CCDC3: variants seen among roughly 807,000 people sequenced by gnomAD.
The protein encoded by CCDC3 is coiled-coil domain containing 3.
Under a neutral mutation model 21.4 loss-of-function variants are expected in CCDC3, and 24 were observed. The observed-to-expected ratio is 1.12, with a 90% CI of 0.81 to 1.58. The LOEUF (loss-of-function observed/expected upper bound fraction) is 1.58, where lower values mean the gene tolerates loss of function less well. Among genes scored for constraint, CCDC3 ranks in the 40% most tolerant of loss-of-function variants. The pLI is 0.00. For missense variants in CCDC3, 425 were observed against 360.9 expected, an observed-to-expected ratio of 1.18 and a Z score of -1.44; for synonymous variants, 186 against 166.0, an observed-to-expected ratio of 1.12 and a Z score of -0.93.
chr10:12,957,115 A>G (rs11258082), intron 2 of CCDC3, among the ~76,000 whole-genome samples: 78,489 of 152,166 alleles, frequency 0.52, 22,854 homozygotes, highest in Non-Finnish European at 0.65. Context: ...GAGTCTCCAC[A>G]GAAAGGTGGG....
chr10:12,978,178 C>T lies in CCDC3; in HGVS notation c.549+20160G>A, dbSNP rs376238916. Among the ~76,000 whole-genome samples, 7 of 152,184 alleles carry T rather than the reference C, an allele frequency of 4.6e-5. No individual in the cohort carries two copies. In the East Asian group the frequency reaches 1.4e-3, roughly 29 times the overall value. The stretch of plus-strand genomic sequence containing the variant: ...GGACTATAGGCATGTGCCACCACAC[C>T]TGGCTAAGTTTTTTGTATTTAGTAG... On this transcript the variant is annotated intron_variant, in intron 2 of 2. Coordinates refer to ENST00000378825, the MANE Select transcript of CCDC3 (RefSeq NM_031455.4).
intron 2 of CCDC3, among the ~76,000 whole-genome samples, chr10:12,942,010 C>A (rs1321512155): frequency 6.6e-6 from 1 of 152,086 alleles, no homozygotes; most frequent in Non-Finnish European, 1.5e-5. Context: ...TTACCTATAC[C>A]CTTCTTTCTT....
chr10:13,094,159 GC>G (rs1832606135), intron 3 of CCDC3, among the ~76,000 whole-genome samples: 1 of 152,112 alleles, frequency 6.6e-6, no homozygotes, highest in African/African-American at 2.4e-5. Context: ...TTAATAAGCA[GC>G]ATTCTTATCT....
intron 2 of CCDC3, among the ~76,000 whole-genome samples, chr10:12,914,417 T>C (rs1225627916): frequency 6.6e-6 from 1 of 152,104 alleles, no homozygotes; most frequent in East Asian, 1.9e-4. Context: ...GGTATCAGTG[T>C]AATTTCTCCT....
At chr10:12,950,685 C>G (rs1441199747) in intron 2 of CCDC3, among the ~76,000 whole-genome samples, 2 of 152,184 alleles carry the variant, frequency 1.3e-5, no homozygotes, top group Admixed American at 6.5e-5. Context: ...AAGGCAAATG[C>G]AAACATTTCT....
chr10:12,898,589 T>TG lies in CCDC3; in HGVS notation c.639dup (p.Asn214GlnfsTer20). 1.2e-6 allele frequency: 2 copies of TG among 1,614,234 alleles called. No homozygotes were observed. The highest frequency in any genetic ancestry group is 8.5e-7 in the Non-Finnish European group (1 of 1,180,034). On this transcript the variant is annotated frameshift_variant, in exon 3 of 3. Transcript: ENST00000378825. LOFTEE classifies it high-confidence loss of function. ...TTCACTCGCTCCCGGAGCTGCCGGT[T>TG]GCGCTTCTCCAGGGTGGCCACTTTC... is the stretch of plus-strand genomic sequence containing the variant.
chr10:13,014,480 A>AAG (rs1284459802), intron 5 of CCDC3, among the ~76,000 whole-genome samples: 1 of 150,548 alleles, frequency 6.6e-6, no homozygotes, highest in East Asian at 2.0e-4. Flanking sequence ...AGAAAAAAAA[A>AAG]AGAAAAGAAA....
chr10:12,905,779 GC>G (rs1440869624), intron 2 of CCDC3, among the ~76,000 whole-genome samples: 1 of 152,234 alleles, frequency 6.6e-6, no homozygotes, highest in Non-Finnish European at 1.5e-5. Context: ...CCTAGAGCAA[GC>G]CCCTGTGCCC....
intron 2 of CCDC3, among the ~76,000 whole-genome samples, chr10:12,917,386 C>T (rs1290026640): frequency 1.3e-5 from 2 of 151,570 alleles, no homozygotes; most frequent in Non-Finnish European, 2.9e-5. Context: ...TTAGTAGAGA[C>T]GGGGTTTCAC....
chr10:12,976,153 C>G (rs565802556), intron 2 of CCDC3, among the ~76,000 whole-genome samples: 1 of 152,228 alleles, frequency 6.6e-6, no homozygotes, highest in Non-Finnish European at 1.5e-5. Flanking sequence ...TCTAGAGACC[C>G]GGCCTTGGCC....
At chr10:12,929,914 T>A (rs925646949) in intron 2 of CCDC3, among the ~76,000 whole-genome samples, 1 of 152,172 alleles carries the variant, frequency 6.6e-6, no homozygotes, top group Non-Finnish European at 1.5e-5. Context: ...AAAGTACTAT[T>A]AATATAACAG....
At chr10:13,005,745 G>A (rs79585022), upstream of CCDC3, among the ~76,000 whole-genome samples, 255 of 152,280 alleles carry the variant, frequency 1.7e-3, 2 homozygotes, top group African/African-American at 5.9e-3. Context: ...AAGTGATACA[G>A]TGACTTGTAC....
chr10:12,917,328 G>A (rs1834375820), intron 2 of CCDC3, among the ~76,000 whole-genome samples: 1 of 151,442 alleles, frequency 6.6e-6, no homozygotes, highest in Non-Finnish European at 1.5e-5. Flanking sequence ...TGAGTAGCTG[G>A]GACTACAGGT....
intron 5 of CCDC3, among the ~76,000 whole-genome samples, chr10:13,046,603 A>T (rs1327578241): frequency 6.6e-6 from 1 of 151,594 alleles, no homozygotes; most frequent in African/African-American, 2.4e-5. Flanking sequence ...GCTACTCAGG[A>T]GGCTGAGGCA....
At chr10:12,911,411 AAT>A (rs1314828491) in intron 2 of CCDC3, among the ~76,000 whole-genome samples, 1 of 152,232 alleles carries the variant, frequency 6.6e-6, no homozygotes, top group Non-Finnish European at 1.5e-5. Flanking sequence ...AATATACGCT[AAT>A]GTTTTTTTGA....
At chr10:13,089,308 CTT>C (rs1380949163) in intron 3 of CCDC3, among the ~76,000 whole-genome samples, 1 of 143,706 alleles carries the variant, frequency 7.0e-6, no homozygotes, top group Non-Finnish European at 1.5e-5. Context: ...GTGAACATTT[CTT>C]TATGTTTAAC....
chr10:13,010,343 A>G (rs1835970049), intron 5 of CCDC3, among the ~76,000 whole-genome samples: 2 of 152,216 alleles, frequency 1.3e-5, no homozygotes, highest in Non-Finnish European at 2.9e-5. Flanking sequence ...TCACCAAAGA[A>G]GCTAAGAATG....
At chr10:13,075,176 GCTAGGGAGT>G (rs1836947410) in intron 3 of CCDC3, among the ~76,000 whole-genome samples, 2 of 152,222 alleles carry the variant, frequency 1.3e-5, no homozygotes, top group African/African-American at 4.8e-5. Flanking sequence ...TATCTCAGAA[GCTAGGGAGT>G]CTTTTCCACT....
At chr10:12,965,316 T>C (rs1835245082) in intron 2 of CCDC3, among the ~76,000 whole-genome samples, 1 of 152,214 alleles carries the variant, frequency 6.6e-6, no homozygotes, top group Non-Finnish European at 1.5e-5. Flanking sequence ...AATCTGCCTG[T>C]TGTCAGTTTA....
Sources: gnomAD v4.1 joint callset for allele counts (sites outside exome capture counted in the v4.1 genomes callset) on GRCh38, gnomAD v4.1.1 for gene constraint, MANE v1.5 for transcripts, NCBI Gene and HGNC (gene_info 2026-07-23, HGNC 2026-07-21) for gene names.